The following RYR2 variants were observed in gnomAD, a reference collection of about 807,000 sequenced individuals.
RYR2 encodes the protein cardiac muscle ryanodine receptor-calcium release channel.
A neutral mutation model predicts 601.1 loss-of-function variants in RYR2; 227 were observed. That is an observed-to-expected ratio of 0.38 (90% CI 0.34 to 0.42). The LOEUF is 0.42. Ranked by LOEUF, RYR2 falls within the 10% of genes least tolerant of loss-of-function variation. The pLI, the probability that RYR2 is intolerant of heterozygous loss-of-function variation, is 1.00. For missense variants in RYR2, 4,646 were observed against 6,156.5 expected (o/e 0.75, Z 8.21); for synonymous variants, 2,223 against 2,175.1 (o/e 1.02, Z -0.61).
chr1:237,072,947 CAA>C (rs34070186), intron 1 of RYR2, among the ~76,000 whole-genome samples: 3 of 104,196 alleles, frequency 2.9e-5, no homozygotes, highest in African/African-American at 4.1e-5. Context: ...GACTCCATCT[CAA>C]AAAAAAAAAA....
intron 19 of RYR2, 69 bp downstream of exon 19, chr1:237,493,156 C>A: frequency 6.4e-7 from 1 of 1,553,080 alleles, no homozygotes; most frequent in Non-Finnish European, 8.9e-7. Context: ...TGCCCTGTAG[C>A]TGATACTATA....
intron 1 of RYR2, among the ~76,000 whole-genome samples, chr1:237,067,462 C>T (rs1225815705): frequency 6.6e-6 from 1 of 152,122 alleles, no homozygotes; most frequent in African/African-American, 2.4e-5. Context: ...AGGGCTATTT[C>T]TGTGTTCTGT....
At chr1:237,621,932 T>G (rs1403232985) in intron 38 of RYR2, among the ~76,000 whole-genome samples, 1 of 152,128 alleles carries the variant, frequency 6.6e-6, no homozygotes, top group Admixed American at 6.5e-5. Flanking sequence ...ACAGGAGGGA[T>G]CTTTGAGATA....
intron 37 of RYR2, among the ~76,000 whole-genome samples, chr1:237,616,345 A>T (rs910658100): frequency 6.6e-6 from 1 of 152,214 alleles, no homozygotes; most frequent in African/African-American, 2.4e-5. Context: ...TCACTCAGTT[A>T]TAAATCCTTT....
chr1:237,249,009 C>T (rs1687194263), intron 1 of RYR2, among the ~76,000 whole-genome samples: 2 of 152,160 alleles, frequency 1.3e-5, no homozygotes, highest in Admixed American at 6.5e-5. Flanking sequence ...AGGTGATTCA[C>T]CTGCCTCGGC....
chr1:237,763,823 G>A (rs1362507605), intron 84 of RYR2, among the ~76,000 whole-genome samples: 1 of 152,126 alleles, frequency 6.6e-6, no homozygotes, highest in Non-Finnish European at 1.5e-5. Context: ...GACACTTTTG[G>A]CATGTTTAAA....
intron 2 of RYR2, among the ~76,000 whole-genome samples, chr1:237,295,985 T>G (rs1263962244): frequency 6.6e-6 from 1 of 152,134 alleles, no homozygotes; most frequent in East Asian, 1.9e-4. Flanking sequence ...TGGAGATAAT[T>G]AAAATAAGTA....
chr1:237,470,920 G>C (rs763249204), intron 17 of RYR2, among the ~76,000 whole-genome samples: 4 of 151,998 alleles, frequency 2.6e-5, no homozygotes, highest in South Asian at 2.1e-4. Context: ...AAGAGAGAGA[G>C]AGAGAGACAG....
chr1:237,152,245 A>C (rs1030460364), intron 1 of RYR2, among the ~76,000 whole-genome samples: 11 of 152,114 alleles, frequency 7.2e-5, no homozygotes, highest in Non-Finnish European at 1.6e-4. Flanking sequence ...TTCTTTATCC[A>C]GTCTATCATT....
At chr1:237,229,816 G>T (rs572481644) in intron 1 of RYR2, among the ~76,000 whole-genome samples, 30 of 152,254 alleles carry the variant, frequency 2.0e-4, no homozygotes, top group African/African-American at 7.2e-4. Context: ...TAAGCTCAAG[G>T]ACACTGCATC....
chr1:237,544,185 A>G (rs1669570290), intron 25 of RYR2, among the ~76,000 whole-genome samples: 1 of 152,228 alleles, frequency 6.6e-6, no homozygotes, highest in Non-Finnish European at 1.5e-5. Flanking sequence ...TTGTAAAGTG[A>G]GCATATTAAA....
At chr1:237,544,142 A>G (rs1669566918) in intron 25 of RYR2, among the ~76,000 whole-genome samples, 1 of 152,218 alleles carries the variant, frequency 6.6e-6, no homozygotes, top group Admixed American at 6.5e-5. Flanking sequence ...AAATAAAACT[A>G]AGAGCTAATA....
chr1:237,416,858 G>T (rs575257115), intron 10 of RYR2, among the ~76,000 whole-genome samples, 191 bp from the exon 11 acceptor site: 1 of 152,066 alleles, frequency 6.6e-6, no homozygotes, highest in South Asian at 2.1e-4. Flanking sequence ...GAAAACTTAG[G>T]TTGATCACTG....
rs56317247 is a variant in RYR2 at position 237,408,407 on chromosome 1, A to ATAT, written c.774-8642_774-8641insTAT. On this transcript the variant is annotated intron_variant, in intron 10 of 104. Transcript: ENST00000366574. ...TCTAGATTCTTTATATATATATATA[A>ATAT]ATGGATATCCAGTCTTTTCAGTACT... Among the ~76,000 whole-genome samples, 425 of 132,930 alleles carry ATAT rather than the reference A, an allele frequency of 3.2e-3. 31 individuals are homozygous for ATAT. The highest frequency in any genetic ancestry group is 0.012 in the African/African-American group (374 of 30,642). The allele number at this position is 132,930 out of a possible 152,430, so 87.2% of individuals were successfully genotyped here.
chr1:237,419,465 A>G (rs907226803), intron 11 of RYR2, among the ~76,000 whole-genome samples: 7 of 152,086 alleles, frequency 4.6e-5, no homozygotes, highest in African/African-American at 1.2e-4. Context: ...TTGTATTTTG[A>G]AATAGAAGTT....
At chr1:237,312,308 G>A (rs779252632) in intron 2 of RYR2, among the ~76,000 whole-genome samples, 15 of 152,170 alleles carry the variant, frequency 9.9e-5, no homozygotes, top group South Asian at 2.1e-4. Context: ...AGCTGTTGCC[G>A]CAGAGATGTT....
intron 1 of RYR2, among the ~76,000 whole-genome samples, chr1:237,126,412 ATGGTGAGGGGAGC>A (rs1332064569): frequency 6.6e-6 from 1 of 152,136 alleles, no homozygotes; most frequent in East Asian, 1.9e-4. Context: ...ATGACTGGGC[ATGGTGAGGGGAGC>A]TGGAGCTGAG....
chr1:237,702,173 T>A (rs1688023003), intron 66 of RYR2, 114 bp downstream of exon 66: 1 of 632,880 alleles, frequency 1.6e-6, no homozygotes, highest in South Asian at 1.9e-5. Flanking sequence ...TAAACCGGAT[T>A]GACCTTTGAA....
At position 237,590,166 on chromosome 1, in the gene RYR2, T is replaced by C. The variant is rs1014235272; in HGVS notation, c.3807+165T>C. Reference sequence around the variant, plus strand: ...AGCAAAGATGGTACTTTCTACCAGCTATCAGTGGATGGGAAACTTTTAAAT... The same window carrying C: ...AGCAAAGATGGTACTTTCTACCAGCCATCAGTGGATGGGAAACTTTTAAAT... On this transcript the variant is annotated intron_variant, in intron 30 of 104. Coordinates refer to ENST00000366574, the MANE Select transcript of RYR2 (RefSeq NM_001035.3). Among the ~76,000 whole-genome samples the C allele has an allele frequency of 3.3e-5, 5 of 152,194 alleles. No homozygotes were observed. In the South Asian group the frequency reaches 1.0e-3, roughly 32 times the overall value.
Sources: allele counts gnomAD v4.1 joint callset (sites outside exome capture counted in the v4.1 genomes callset), GRCh38; gene constraint gnomAD v4.1.1; transcripts MANE v1.5; gene names NCBI Gene and HGNC (gene_info 2026-07-23, HGNC 2026-07-21).